NCOR2: variants seen among roughly 807,000 people sequenced by gnomAD.
NCOR2 encodes the protein nuclear receptor corepressor 2, also known as CTG repeat protein 26.
NCOR2 carries 81 observed loss-of-function variants against 262.9 expected under a neutral mutation model. That is an observed-to-expected ratio of 0.31 (90% CI 0.26 to 0.37). The LOEUF is 0.37. Ranked by LOEUF, NCOR2 falls within the 10% of genes least tolerant of loss-of-function variation. The pLI, the probability that NCOR2 is intolerant of heterozygous loss-of-function variation, is 1.00. For synonymous variants in NCOR2, 1,659 were observed against 1,559.3 expected (o/e 1.06, Z -1.51); for missense variants, 3,385 against 3,621.4 (o/e 0.93, Z 1.68).
At chr12:124,410,446 G>A (rs1276465584) in intron 13 of NCOR2, among the ~76,000 whole-genome samples, 3 of 151,708 alleles carry the variant, frequency 2.0e-5, no homozygotes, top group Non-Finnish European at 4.4e-5. Context: ...AAGCTGGGCA[G>A]GAAACCAGAG....
chr12:124,420,144 T>G, intron 12 of NCOR2, 89 bp from the exon 15 acceptor site: 1 of 1,092,674 alleles, frequency 9.2e-7, no homozygotes, highest in Non-Finnish European at 1.4e-6. Context: ...GCTCATATCC[T>G]GCCTCTTCCA....
intron 1 of NCOR2, among the ~76,000 whole-genome samples, chr12:124,511,944 C>T (rs1454698428): frequency 1.3e-5 from 2 of 152,164 alleles, no homozygotes; most frequent in East Asian, 1.9e-4. Flanking sequence ...TATTTTTTGA[C>T]AGGGTCTCAC....
rs185312010 is a variant in NCOR2, at chr12:124,482,023, G to C, written c.411+1573C>G. Among the ~76,000 whole-genome samples, 203 of 152,258 alleles carry C rather than the reference G, an allele frequency of 1.3e-3. 3 individuals are homozygous for C. The highest frequency in any genetic ancestry group is 6.8e-3 in the Middle Eastern group (2 of 294). On this transcript the variant is annotated intron_variant, in intron 3 of 46. Transcript: ENST00000405201. The surrounding 1 kb of genome is among the most constrained non-coding windows in gnomAD (Gnocchi z 6.3). ...GGATTTGCTGATGGACTGGAAGTAC[G>C]CAGGAGAGCAGGGAGGTGGCCAGGG...
At chr12:124,417,457 C>T (rs2042973043) in intron 13 of NCOR2, among the ~76,000 whole-genome samples, 1 of 152,186 alleles carries the variant, frequency 6.6e-6, no homozygotes, top group African/African-American at 2.4e-5. Flanking sequence ...GGGGATGGGC[C>T]TCTGCTCTTC....
At chr12:124,466,381 G>T in intron 4 of NCOR2, 95 bp from the exon 7 acceptor site, 2 of 1,084,794 alleles carry the variant, frequency 1.8e-6, no homozygotes, top group Non-Finnish European at 2.7e-6. Context: ...TTGCAGCCCG[G>T]GCCACGGCCG....
rs138159422 is a variant in NCOR2 at position 124,481,817 on chromosome 12, A to G, written c.411+1779T>C. On this transcript the variant is annotated intron_variant, in intron 3 of 46. Coordinates refer to ENST00000405201, the Ensembl canonical transcript of NCOR2. The surrounding 1 kb of genome is among the most constrained non-coding windows in gnomAD (Gnocchi z 4.6). ...CAGGGGGATGCAGTCGTCTGCCTTT[A>G]TAAGAGCCCTCTGGCTGCTGCTTGG... Among the ~76,000 whole-genome samples, 127 of 152,218 alleles carry G rather than the reference A, an allele frequency of 8.3e-4. No homozygotes were observed. Among genetic ancestry groups the G allele is most frequent in the African/African-American group, 2.6e-3 (110 of 41,518 alleles).
chr12:124,378,157 C>T lies in NCOR2; in HGVS notation c.2167+80G>A, dbSNP rs969574462. On this transcript the variant is annotated intron_variant, in intron 18 of 46. Coordinates refer to ENST00000405201, the Ensembl canonical transcript of NCOR2. This position sits in a 1 kb window ranked among gnomAD's most constrained non-coding sequence, Gnocchi z 4.2. ...GATGACTCAGGGGAGAGGAGGCTGC[C>T]GGGATCAGTTCCCGCTATGCCCTCC... The T allele has an allele frequency of 2.3e-5, 36 of 1,549,630 alleles. No individual in the cohort carries two copies. The highest frequency in any genetic ancestry group is 1.5e-4 in the African/African-American group (11 of 73,212).
At chr12:124,468,859 A>C (rs1431085118) in intron 4 of NCOR2, among the ~76,000 whole-genome samples, 2 of 10,588 alleles carry the variant, frequency 1.9e-4, no homozygotes, top group Non-Finnish European at 3.8e-4. Context: ...CATCCTCATC[A>C]CCCCATCATC....
At chr12:124,341,764 G>GC in intron 34 of NCOR2, 59 bp downstream of exon 36, 1 of 1,547,306 alleles carries the variant, frequency 6.5e-7, no homozygotes, top group Non-Finnish European at 8.7e-7. Context: ...ACAGGGGCAC[G>GC]CCCATGTCCT....
rs377731266 is a variant in NCOR2, at chr12:124,337,011, C to T, written c.5857G>A (p.Gly1953Ser). The stretch of plus-strand genomic sequence containing the variant: ...GGGGGCTTGGCGAGGAAGGCATGGC[C>T]GGTGTCTGCTCGGGGCCGCTCTGGC... The change falls in exon 38 of 47, where the codon GGC becomes AGC. Residue 1953 changes from glycine to serine, a missense_variant. Transcript: ENST00000405201. 8 of 1,507,968 alleles carry T rather than the reference C, an allele frequency of 5.3e-6. No homozygotes were observed. Among genetic ancestry groups the T allele is most frequent in the South Asian group, 4.1e-5 (3 of 73,642 alleles). The allele number at this position is 1,507,968 out of a possible 1,614,324, so 93.4% of individuals were successfully genotyped here.
In NCOR2 at chr12:124,378,166, T is replaced by G; in HGVS notation, c.2167+71A>C. 1 of 1,567,208 alleles carries G rather than the reference T, an allele frequency of 6.4e-7. No individual in the cohort carries two copies. Among genetic ancestry groups the G allele is most frequent in the Non-Finnish European group, 8.7e-7 (1 of 1,155,684 alleles). The stretch of plus-strand genomic sequence containing the variant: ...GGGGAGAGGAGGCTGCCGGGATCAG[T>G]TCCCGCTATGCCCTCCCTCAGAGCT... On this transcript the variant is annotated intron_variant, in intron 18 of 46. Transcript: ENST00000405201. The surrounding 1 kb of genome is among the most constrained non-coding windows in gnomAD (Gnocchi z 4.2).
chr12:124,455,726 C>T (rs75723129), intron 6 of NCOR2, among the ~76,000 whole-genome samples: 1,851 of 152,322 alleles, frequency 0.012, 36 homozygotes, highest in African/African-American at 0.041. Context: ...GCCTTTAACC[C>T]TGGGAAGACC....
In NCOR2 at chr12:124,327,949, C is replaced by T. The variant is rs2135723405; in HGVS notation, c.6959-316G>A. On this transcript the variant is annotated intron_variant, in intron 44 of 46. Coordinates refer to ENST00000405201, the Ensembl canonical transcript of NCOR2. The stretch of plus-strand genomic sequence containing the variant: ...GCCCCCACCAGCCCCTATTCTCATT[C>T]CTATTCTGTCCTCTGGGAAATCACA... Among the ~76,000 whole-genome samples, 2 of 152,132 alleles carry T rather than the reference C, an allele frequency of 1.3e-5. 1 individual carries two copies. The highest frequency in any genetic ancestry group is 4.2e-4 in the South Asian group (2 of 4,804).
At chr12:124,346,973 G>C in intron 30 of NCOR2, 123 bp from the exon 33 acceptor site, 1 of 1,225,640 alleles carries the variant, frequency 8.2e-7, no homozygotes, top group South Asian at 1.9e-5. Context: ...GTGTGACCTT[G>C]ACCAGGAAAT....
chr12:124,374,132 T>C (rs1026363298), intron 19 of NCOR2, among the ~76,000 whole-genome samples: 9 of 152,136 alleles, frequency 5.9e-5, no homozygotes, highest in Non-Finnish European at 1.3e-4. Flanking sequence ...ACCCCTGCAT[T>C]TGCTATCAGG....
At chr12:124,437,583 G>T (rs900675994) in intron 8 of NCOR2, among the ~76,000 whole-genome samples, 1 of 152,180 alleles carries the variant, frequency 6.6e-6, no homozygotes, top group African/African-American at 2.4e-5. Context: ...AGCCCACCCT[G>T]ATCCTCCACC....
exon 42 of NCOR2, chr12:124,333,248 C>T (rs1295930727): frequency 6.2e-7 from 1 of 1,611,712 alleles, no homozygotes. Context: ...TCACCACCAC[C>T]CAAGACCGAC....
chr12:124,390,285 G>A (rs2136141911), intron 16 of NCOR2, among the ~76,000 whole-genome samples: 1 of 152,350 alleles, frequency 6.6e-6, no homozygotes, highest in East Asian at 1.9e-4. Context: ...CACGGCCCAG[G>A]TGACCCTTAG....
rs886499009 is a variant in NCOR2 at position 124,348,431 on chromosome 12, G to A, written c.3845-117C>T. 2.4e-4 allele frequency: 328 copies of A among 1,366,874 alleles called. 1 individual carries two copies. Among genetic ancestry groups the A allele is most frequent in the African/African-American group, 2.6e-4 (18 of 68,478 alleles). 84.7% of individuals were successfully genotyped at this position (1,366,874 alleles called of 1,614,324 possible). On this transcript the variant is annotated intron_variant, in intron 28 of 46. Coordinates refer to ENST00000405201, the Ensembl canonical transcript of NCOR2. Reference sequence around the variant, plus strand: ...CCAGCAGTGCTTCCATGCTGGCCCCGTCACAAAGCCTCACAGCCGAGGCCT... The same window carrying A: ...CCAGCAGTGCTTCCATGCTGGCCCCATCACAAAGCCTCACAGCCGAGGCCT...
Sources: allele counts gnomAD v4.1 joint callset (sites outside exome capture counted in the v4.1 genomes callset), GRCh38; gene constraint gnomAD v4.1.1; non-coding constraint Gnocchi (gnomAD v3.1); transcripts MANE v1.5; gene names NCBI Gene and HGNC (gene_info 2026-07-23, HGNC 2026-07-21).